CNTN3: variants seen among roughly 807,000 people sequenced by gnomAD.
CNTN3 encodes the protein contactin-3.
CNTN3 carries 60 observed loss-of-function variants against 119.1 expected under a neutral mutation model. The ratio of observed to expected loss-of-function variants is 0.50; its 90% CI spans 0.41 to 0.62. The LOEUF is 0.62. Ranked by LOEUF, CNTN3 falls within the 20% of genes least tolerant of loss-of-function variation. The pLI is 0.00. For synonymous variants in CNTN3, 450 were observed against 438.7 expected (o/e 1.03, Z -0.32); for missense variants, 1,101 against 1,242.4 (o/e 0.89, Z 1.71).
At chr3:74,289,940 T>A (rs187656003) in intron 19 of CNTN3, among the ~76,000 whole-genome samples, 23 of 152,330 alleles carry the variant, frequency 1.5e-4, no homozygotes, top group Admixed American at 1.2e-3. Flanking sequence ...TAAAATGGTG[T>A]GGACTTAACT....
chr3:74,274,196 A>T (rs1433686289), intron 20 of CNTN3, among the ~76,000 whole-genome samples: 9 of 151,874 alleles, frequency 5.9e-5, no homozygotes, highest in Admixed American at 5.9e-4. Context: ...TCCTGCCCCC[A>T]CCTCATGGTC....
intron 5 of CNTN3, among the ~76,000 whole-genome samples, chr3:74,404,239 G>C (rs1294572707): frequency 1.3e-5 from 2 of 152,096 alleles, no homozygotes; most frequent in African/African-American, 2.4e-5. Flanking sequence ...CAAGTGCCAA[G>C]AGATCAGGAA....
chr3:74,515,576 T>C (rs940819945), intron 2 of CNTN3, among the ~76,000 whole-genome samples: 1 of 152,074 alleles, frequency 6.6e-6, no homozygotes, highest in East Asian at 1.9e-4. Context: ...TGTTCACTAT[T>C]CATTCCGAAA....
intron 4 of CNTN3, among the ~76,000 whole-genome samples, chr3:74,427,571 T>C (rs999647746): frequency 2.0e-5 from 3 of 152,166 alleles, no homozygotes; most frequent in Non-Finnish European, 4.4e-5. Flanking sequence ...AAGCTATATA[T>C]AGTCCAATTT....
intron 4 of CNTN3, among the ~76,000 whole-genome samples, chr3:74,426,604 C>T (rs1392848758): frequency 6.6e-6 from 1 of 152,080 alleles, no homozygotes; most frequent in African/African-American, 2.4e-5. Flanking sequence ...TAAAGTGATT[C>T]AGCAAAACTC....
intron 1 of CNTN3, among the ~76,000 whole-genome samples, chr3:74,573,046 G>A (rs1414501874): frequency 5.9e-5 from 9 of 152,210 alleles, no homozygotes; most frequent in Non-Finnish European, 1.0e-4. Context: ...GGCAAGCCTC[G>A]GAGAGTAGAT....
At position 74,347,469 on chromosome 3, in the gene CNTN3, G is replaced by T. The variant is rs140182795; in HGVS notation, c.1365-10811C>A. ...TTGCCCAAGCTGGTCTTGAACTCCT[G>T]GCCTCAAGTGATCCTCCTGCCTTGG... On this transcript the variant is annotated intron_variant, in intron 11 of 22. Coordinates refer to ENST00000263665, the MANE Select transcript of CNTN3 (RefSeq NM_020872.3). Among the ~76,000 whole-genome samples, 162 of 152,240 alleles carry T rather than the reference G, an allele frequency of 1.1e-3. 1 individual carries two copies. Among genetic ancestry groups the T allele is most frequent in the African/African-American group, 3.6e-3 (151 of 41,532 alleles).
intron 20 of CNTN3, among the ~76,000 whole-genome samples, chr3:74,270,664 A>G (rs1701755792): frequency 6.6e-6 from 1 of 152,198 alleles, no homozygotes; most frequent in South Asian, 2.1e-4. Context: ...GATAGTTGAT[A>G]GTGTAACTTC....
At chr3:74,600,790 G>A (rs575746748) in intron 1 of CNTN3, among the ~76,000 whole-genome samples, 260 of 152,122 alleles carry the variant, frequency 1.7e-3, no homozygotes, top group African/African-American at 5.9e-3. Context: ...GAAGTGATTC[G>A]TGGGTTTAAG....
intron 5 of CNTN3, among the ~76,000 whole-genome samples, chr3:74,401,860 C>G (rs1304235439): frequency 6.6e-6 from 1 of 152,192 alleles, no homozygotes; most frequent in East Asian, 1.9e-4. Context: ...CCACTCTCAT[C>G]TTTCTCCAAT....
At chr3:74,414,352 G>A (rs1170807857) in intron 5 of CNTN3, among the ~76,000 whole-genome samples, 2 of 152,154 alleles carry the variant, frequency 1.3e-5, no homozygotes, top group African/African-American at 4.8e-5. Flanking sequence ...AGTTTAAAAT[G>A]TCCTACCTAA....
chr3:74,508,519 A>T (rs2107098514), intron 2 of CNTN3, among the ~76,000 whole-genome samples: 1 of 152,312 alleles, frequency 6.6e-6, no homozygotes, highest in South Asian at 2.1e-4. Flanking sequence ...TTAAAAATGT[A>T]ATTATCATCA....
intron 1 of CNTN3, among the ~76,000 whole-genome samples, chr3:74,595,517 A>G (rs990614673): frequency 1.3e-5 from 2 of 152,216 alleles, no homozygotes; most frequent in South Asian, 4.2e-4. Flanking sequence ...CATCCCTGGG[A>G]TGCAAGGCTG....
intron 13 of CNTN3, among the ~76,000 whole-genome samples, chr3:74,316,529 T>C (rs749632286): frequency 6.6e-6 from 1 of 152,090 alleles, no homozygotes; most frequent in Non-Finnish European, 1.5e-5. Flanking sequence ...AAAACACATA[T>C]GCACCCATAT....
At chr3:74,470,180 G>A (rs1181167776) in intron 4 of CNTN3, among the ~76,000 whole-genome samples, 1 of 152,036 alleles carries the variant, frequency 6.6e-6, no homozygotes. Flanking sequence ...GCTGGAGTGG[G>A]GGGTTTTGGG....
At chr3:74,584,624 T>A (rs542920281) in intron 1 of CNTN3, among the ~76,000 whole-genome samples, 1 of 152,296 alleles carries the variant, frequency 6.6e-6, no homozygotes, top group Admixed American at 6.5e-5. Flanking sequence ...CTTTTCTTTA[T>A]GTATTACCCA....
intron 13 of CNTN3, among the ~76,000 whole-genome samples, chr3:74,333,142 A>T (rs1314013365): frequency 6.6e-6 from 1 of 152,272 alleles, no homozygotes; most frequent in Non-Finnish European, 1.5e-5. Context: ...AAAAGCAGTA[A>T]TTCCAAAACG....
At chr3:74,409,583 G>T (rs1029311812) in intron 5 of CNTN3, among the ~76,000 whole-genome samples, 1 of 151,536 alleles carries the variant, frequency 6.6e-6, no homozygotes, top group Admixed American at 6.6e-5. Context: ...TATCTTAGAA[G>T]TCTGTCCCTA....
chr3:74,369,167 T>C (rs1205955556), intron 8 of CNTN3, 22 bp downstream of exon 8: 38 of 1,539,866 alleles, frequency 2.5e-5, no homozygotes, highest in Non-Finnish European at 3.2e-5. Flanking sequence ...AAAACTCCAA[T>C]TTGCCCAAAG....
Sources: gnomAD v4.1 joint callset for allele counts (sites outside exome capture counted in the v4.1 genomes callset) on GRCh38, gnomAD v4.1.1 for gene constraint, MANE v1.5 for transcripts, NCBI Gene and HGNC (gene_info 2026-07-23, HGNC 2026-07-21) for gene names.